Variants in ANKRD11 observed in about 807,000 individuals in gnomAD.
ANKRD11 encodes the protein ankyrin repeat domain 11, also known as ankyrin repeat domain-containing protein 11.
In ANKRD11, 17 loss-of-function variants were observed where a neutral mutation model predicts 195.7. That is an observed-to-expected ratio of 0.09 (90% CI 0.06 to 0.13). The LOEUF (loss-of-function observed/expected upper bound fraction) is 0.13. Ranked by LOEUF, ANKRD11 falls within the 10% of genes least tolerant of loss-of-function variation. The probability of loss-of-function intolerance (pLI) is 1.00; values close to 1 mark genes in which losing one functional copy is unlikely to be tolerated. For synonymous variants in ANKRD11, 1,953 were observed against 1,528.1 expected (o/e 1.28, Z -6.49); for missense variants, 3,735 against 3,566.1 (o/e 1.05, Z -1.21).
chr16:89,392,952 AC>A, intron 2 of ANKRD11, among the ~76,000 whole-genome samples: 1 of 151,936 alleles, frequency 6.6e-6, no homozygotes, highest in African/African-American at 2.4e-5. Context: ...ATCTACAGTC[AC>A]CAAGGCCCTT....
intron 3 of ANKRD11, chr16:89,313,223 G>A (rs1299907527): frequency 1.7e-6 from 2 of 1,193,262 alleles, no homozygotes; most frequent in Non-Finnish European, 2.2e-6. Flanking sequence ...TGGCGTGCAT[G>A]GAGCACAATG....
At chr16:89,271,578 G>C (rs768351744) in intron 11 of ANKRD11, 46 of 158,724 alleles carry the variant, frequency 2.9e-4, no homozygotes, top group Non-Finnish European at 5.6e-4. Flanking sequence ...AGCACCGACA[G>C]AAACCCACAC....
At chr16:89,482,441 A>C (rs2057473700) in intron 1 of ANKRD11, among the ~76,000 whole-genome samples, 2 of 152,216 alleles carry the variant, frequency 1.3e-5, no homozygotes, top group African/African-American at 4.8e-5. Context: ...AACTAAATGC[A>C]ATGTGGGATC....
At chr16:89,315,968 A>C (rs1478158261) in intron 3 of ANKRD11, among the ~76,000 whole-genome samples, 1 of 152,204 alleles carries the variant, frequency 6.6e-6, no homozygotes, top group Non-Finnish European at 1.5e-5. Context: ...AAGGCGGCCC[A>C]GAGCAACCGG....
chr16:89,359,701 T>C (rs752350728), intron 2 of ANKRD11, among the ~76,000 whole-genome samples: 1 of 152,206 alleles, frequency 6.6e-6, no homozygotes, highest in African/African-American at 2.4e-5. Context: ...ACTGGGTAAC[T>C]GTACAAGAGG....
intron 1 of ANKRD11, among the ~76,000 whole-genome samples, chr16:89,482,306 C>T (rs1312809017): frequency 1.3e-5 from 2 of 152,162 alleles, no homozygotes; most frequent in African/African-American, 4.8e-5. Context: ...TACAAACATG[C>T]CAATGTGTGA....
intron 2 of ANKRD11, chr16:89,324,249 C>T: frequency 8.2e-7 from 1 of 1,217,728 alleles, no homozygotes; most frequent in Non-Finnish European, 1.0e-6. Context: ...CATGCTTGGT[C>T]ACTGGGCTGT....
At chr16:89,342,186 T>A (rs2038722328) in intron 2 of ANKRD11, among the ~76,000 whole-genome samples, 1 of 152,188 alleles carries the variant, frequency 6.6e-6, no homozygotes, top group Non-Finnish European at 1.5e-5. Flanking sequence ...ACAACACAGG[T>A]ACTGACAGGT....
Position 89,324,277 on chromosome 16 carries a change from C to T in ANKRD11, c.-59-7199G>A, listed in dbSNP as rs527463186. 13 of 1,247,038 alleles carry T rather than the reference C, an allele frequency of 1.0e-5. No individual in the cohort carries two copies. In the South Asian group the frequency reaches 1.5e-4, roughly 14 times the overall value. The allele number at this position is 1,247,038 out of a possible 1,614,324, so 77.2% of individuals were successfully genotyped here. ...TGGGCTGTGGAACATACAGGAGCCC[C>T]GTGCTCCGGAACACGGACCACCCGA... On this transcript the variant is annotated intron_variant, in intron 2 of 12. Transcript: ENST00000301030.
In ANKRD11 at chr16:89,283,638, G is replaced by T; in HGVS notation, c.2904C>A (p.Pro968=). 1 of 1,610,682 alleles carries T rather than the reference G, an allele frequency of 6.2e-7. No homozygotes were observed. The highest frequency in any genetic ancestry group is 1.7e-5 in the Admixed American group (1 of 60,014). ...CKERRDGRAK[P]EEAHREELKE... is the part of the protein sequence containing the mutation. ...TCAGCTCCTCCCGGTGCGCCTCCTC[G>T]GGCTTGGCCCTGCCGTCCCTGCGCT... Residue 968 remains proline (P), a synonymous_variant, in exon 9 of 13, where the codon CCC becomes CCA. Coordinates refer to ENST00000301030, the MANE Select transcript of ANKRD11 (RefSeq NM_013275.6). The surrounding 1 kb of genome is among the most constrained non-coding windows in gnomAD (Gnocchi z 4.3).
intron 2 of ANKRD11, among the ~76,000 whole-genome samples, chr16:89,349,841 A>G (rs1472632488): frequency 6.6e-6 from 1 of 151,168 alleles, no homozygotes; most frequent in Non-Finnish European, 1.5e-5. Context: ...AAATAAAAAT[A>G]CAGGCCAAAT....
intron 3 of ANKRD11, among the ~76,000 whole-genome samples, chr16:89,308,877 G>A (rs770161405): frequency 3.9e-5 from 6 of 152,086 alleles, no homozygotes; most frequent in Admixed American, 6.5e-5. Context: ...AATGGGGTGC[G>A]CGCAGTAAAC....
chr16:89,470,901 G>C (rs2057061253), intron 1 of ANKRD11, among the ~76,000 whole-genome samples: 1 of 152,308 alleles, frequency 6.6e-6, no homozygotes, highest in East Asian at 1.9e-4. Context: ...GCTGAGGCAG[G>C]AGAGTGGTGT....
chr16:89,398,495 C>A (rs2041558090), intron 2 of ANKRD11, among the ~76,000 whole-genome samples: 1 of 152,024 alleles, frequency 6.6e-6, no homozygotes, highest in African/African-American at 2.4e-5. Flanking sequence ...GACATGAGGA[C>A]TGCTTGAGCC....
intron 1 of ANKRD11, among the ~76,000 whole-genome samples, chr16:89,454,478 A>C (rs1258246202): frequency 5.3e-5 from 8 of 152,192 alleles, no homozygotes; most frequent in African/African-American, 1.9e-4. Context: ...ATTTTTAATA[A>C]GCACTGCTCA....
chr16:89,309,546 C>T (rs1027375388), intron 3 of ANKRD11, among the ~76,000 whole-genome samples: 1 of 152,234 alleles, frequency 6.6e-6, no homozygotes, highest in African/African-American at 2.4e-5. Context: ...TACACCTCAA[C>T]GAGCTGCGCA....
chr16:89,286,633 G>A (rs1232330426), intron 7 of ANKRD11: 1 of 1,205,888 alleles, frequency 8.3e-7, no homozygotes, highest in Non-Finnish European at 1.1e-6. Context: ...AGGGTTGGGG[G>A]GACAGAATAG....
chr16:89,369,874 G>C (rs1189904160), intron 2 of ANKRD11, among the ~76,000 whole-genome samples: 3 of 152,198 alleles, frequency 2.0e-5, no homozygotes, highest in Non-Finnish European at 4.4e-5. Flanking sequence ...ACTGCTCCCT[G>C]TTCTTTCTTA....
At position 89,297,353 on chromosome 16, in the gene ANKRD11, A is replaced by G. The variant is rs1188693203; in HGVS notation, c.227-6170T>C. 6.6e-5 allele frequency among the ~76,000 whole-genome samples: 10 copies of G among 152,204 alleles called. No homozygotes were observed. The South Asian group carries it at 1.7e-3, about 25-fold the overall frequency. ...CCATGGCGATATTTTCAAACAACAG[A>G]AAGTTCACGGCCGATGGCGGTTACA... On this transcript the variant is annotated intron_variant, in intron 4 of 12. Transcript: ENST00000301030.
Sources: gnomAD v4.1 joint callset for allele counts (sites outside exome capture counted in the v4.1 genomes callset) on GRCh38, gnomAD v4.1.1 for gene constraint, Gnocchi (gnomAD v3.1) non-coding constraint, MANE v1.5 for transcripts, NCBI Gene and HGNC (gene_info 2026-07-23, HGNC 2026-07-21) for gene names.